The following TNFSF8 variants were observed in gnomAD, a reference collection of about 807,000 sequenced individuals.
TNFSF8 encodes the protein tumor necrosis factor ligand superfamily member 8.
In TNFSF8, 4 loss-of-function variants were observed where a neutral mutation model predicts 22.0. The observed-to-expected ratio is 0.18, with a 90% CI of 0.09 to 0.42. The LOEUF (loss-of-function observed/expected upper bound fraction) is 0.42, where lower values mean the gene tolerates loss of function less well. Ranked by LOEUF, TNFSF8 falls within the 10% of genes least tolerant of loss-of-function variation. The probability of loss-of-function intolerance (pLI) is 1.00; values close to 1 mark genes in which losing one functional copy is unlikely to be tolerated. For synonymous variants in TNFSF8, 106 were observed against 112.5 expected (o/e 0.94, Z 0.37); for missense variants, 233 against 281.8 (o/e 0.83, Z 1.24).
Position 114,901,505 on chromosome 9 carries a change from T to A in TNFSF8, c.*2426A>T. On this transcript the variant is annotated 3_prime_UTR_variant, in exon 4 of 4. Coordinates refer to ENST00000223795, the MANE Select transcript of TNFSF8 (RefSeq NM_001244.4). The stretch of plus-strand genomic sequence containing the variant: ...AAATGAAAATGGAATCTTTCTCGAG[T>A]TAGAATGTGAGATGGCAAAAAAATT... 1 of 985,300 alleles carries A rather than the reference T, an allele frequency of 1.0e-6. No individual in the cohort carries two copies. The highest frequency in any genetic ancestry group is 1.2e-6 in the Non-Finnish European group (1 of 829,848). 61.0% of individuals were successfully genotyped at this position (985,300 alleles called of 1,614,324 possible).
At chr9:114,895,686 T>C (rs1827649010) in intron 4 of TNFSF8, among the ~76,000 whole-genome samples, 1 of 152,232 alleles carries the variant, frequency 6.6e-6, no homozygotes, top group African/African-American at 2.4e-5. Flanking sequence ...ATTGTACAGC[T>C]GAGAAAATTT....
intron 2 of TNFSF8, among the ~76,000 whole-genome samples, chr9:114,907,953 A>C (rs1483570014): frequency 1.3e-5 from 2 of 152,156 alleles, no homozygotes; most frequent in African/African-American, 4.8e-5. Context: ...GCCCGAATGG[A>C]TTCCTGACTG....
chr9:114,922,344 T>C (rs1409448516), intron 1 of TNFSF8, among the ~76,000 whole-genome samples: 1 of 152,186 alleles, frequency 6.6e-6, no homozygotes, highest in Non-Finnish European at 1.5e-5. Flanking sequence ...CTTGTTGCCC[T>C]CACATAGTCT....
chr9:114,927,760 C>G (rs1195337779), intron 1 of TNFSF8, among the ~76,000 whole-genome samples: 1 of 152,148 alleles, frequency 6.6e-6, no homozygotes, highest in East Asian at 1.9e-4. Flanking sequence ...CCATCACATA[C>G]AGAGTGCTAA....
At chr9:114,909,286 G>A (rs62578680) in intron 2 of TNFSF8, among the ~76,000 whole-genome samples, 1 of 152,182 alleles carries the variant, frequency 6.6e-6, no homozygotes, top group Non-Finnish European at 1.5e-5. Context: ...GGCATTACAT[G>A]CAGCTGAAAT....
In TNFSF8 at chr9:114,903,606, G is replaced by T. The variant is rs1827744857; in HGVS notation, c.*325C>A. ...TACTGGAGCCCCATTTTAACTGGAG[G>T]CTCTCAAAACAGAAGAAATAGATCA... On this transcript the variant is annotated 3_prime_UTR_variant, in exon 4 of 4. Coordinates refer to ENST00000223795, the MANE Select transcript of TNFSF8 (RefSeq NM_001244.4). The T allele has an allele frequency of 4.0e-6, 3 of 758,932 alleles. No homozygotes were observed. The highest frequency in any genetic ancestry group is 5.5e-5 in the Admixed American group (1 of 18,048). The allele number at this position is 758,932 out of a possible 1,614,324, so 47.0% of individuals were successfully genotyped here.
chr9:114,898,807 C>T (rs913212142), downstream of TNFSF8, among the ~76,000 whole-genome samples: 4 of 152,086 alleles, frequency 2.6e-5, no homozygotes, highest in African/African-American at 9.7e-5. Context: ...GAAACAGAAT[C>T]GAGATTGAGC....
chr9:114,923,480 T>C (rs145114031), intron 1 of TNFSF8, among the ~76,000 whole-genome samples: 9 of 62,880 alleles, frequency 1.4e-4, no homozygotes, highest in Admixed American at 3.4e-4. Flanking sequence ...TTCTTTCTTT[T>C]TCTTTCTTTC....
At chr9:114,900,436 G>A (rs1266067438), downstream of TNFSF8, among the ~76,000 whole-genome samples, 1 of 152,180 alleles carries the variant, frequency 6.6e-6, no homozygotes, top group Non-Finnish European at 1.5e-5. Context: ...TAGTGAGAGA[G>A]CTGGCATTTG....
At chr9:114,925,961 T>C (rs1426228388) in intron 1 of TNFSF8, among the ~76,000 whole-genome samples, 1 of 152,134 alleles carries the variant, frequency 6.6e-6, no homozygotes, top group African/African-American at 2.4e-5. Context: ...TCATTATGTA[T>C]TCCCCTGTCT....
chr9:114,930,473 G>A lies in TNFSF8; in HGVS notation c.-170C>T, dbSNP rs1489709232. 17 of 485,486 alleles carry A rather than the reference G, an allele frequency of 3.5e-5. No homozygotes were observed. The highest frequency in any genetic ancestry group is 5.5e-5 in the Non-Finnish European group (16 of 291,598). The allele number at this position is 485,486 out of a possible 1,614,324, so 30.1% of individuals were successfully genotyped here. Reference sequence around the variant, plus strand: ...AAACTCTTCTCTGGGGGCGTGAGGCGAGAGGCGGCAGCAAGGGTGGGGGAG... The same window carrying A: ...AAACTCTTCTCTGGGGGCGTGAGGCAAGAGGCGGCAGCAAGGGTGGGGGAG... On this transcript the variant is annotated 5_prime_UTR_variant, in exon 1 of 4. Transcript: ENST00000223795.
chr9:114,897,336 T>G (rs1376084934), downstream of TNFSF8, among the ~76,000 whole-genome samples: 1 of 152,146 alleles, frequency 6.6e-6, no homozygotes, highest in African/African-American at 2.4e-5. Context: ...TAAAGTGGTT[T>G]TCTTTGATTA....
intron 1 of TNFSF8, among the ~76,000 whole-genome samples, chr9:114,921,176 CA>C (rs1250314215): frequency 6.6e-6 from 1 of 152,162 alleles, no homozygotes; most frequent in Non-Finnish European, 1.5e-5. Flanking sequence ...GCATCTCAAA[CA>C]GGAAAGAAAC....
At position 114,902,408 on chromosome 9, in the gene TNFSF8, C is replaced by G. The variant is rs1026521905; in HGVS notation, c.*1523G>C. On this transcript the variant is annotated 3_prime_UTR_variant, in exon 4 of 4. Transcript: ENST00000223795. ...TTGCACACTGATTGTTTGCTAAAGG[C>G]ACAATGCTTTCCTGACCAGAAATGA... is the stretch of plus-strand genomic sequence containing the variant. 2 of 985,330 alleles carry G rather than the reference C, an allele frequency of 2.0e-6. No individual in the cohort carries two copies. Among genetic ancestry groups the G allele is most frequent in the Non-Finnish European group, 2.4e-6 (2 of 829,940 alleles). 61.0% of individuals were successfully genotyped at this position (985,330 alleles called of 1,614,324 possible).
intron 1 of TNFSF8, among the ~76,000 whole-genome samples, chr9:114,918,832 CT>C (rs1382184650): frequency 6.6e-6 from 1 of 152,162 alleles, no homozygotes; most frequent in Non-Finnish European, 1.5e-5. Context: ...AACTCCTGAC[CT>C]TGTGGTCCAC....
At position 114,918,145 on chromosome 9, in the gene TNFSF8, G is replaced by T. The variant is rs755169513; in HGVS notation, c.196-7C>A. ...GTGAGTTGGGAATGGAGTCCTGGAA[G>T]AAAAGAAAGAAAAAAGCAGCATGAG... On this transcript the variant is annotated splice_region_variant and splice_polypyrimidine_tract_variant and intron_variant, in intron 1 of 3. Transcript: ENST00000223795. The T allele has an allele frequency of 4.4e-6, 7 of 1,600,108 alleles. No individual in the cohort carries two copies. The highest frequency in any genetic ancestry group is 6.0e-6 in the Non-Finnish European group (7 of 1,174,228).
At chr9:114,904,736 G>T (rs200044124) in intron 3 of TNFSF8, among the ~76,000 whole-genome samples, 1 of 152,286 alleles carries the variant, frequency 6.6e-6, no homozygotes, top group East Asian at 1.9e-4. Context: ...ATTGCAAAAG[G>T]TATCAGAGAT....
chr9:114,904,718 G>C (rs1043011270), intron 3 of TNFSF8, among the ~76,000 whole-genome samples: 1 of 152,110 alleles, frequency 6.6e-6, no homozygotes, highest in Admixed American at 6.6e-5. Flanking sequence ...CATTTATCAT[G>C]AATGGTCATT....
In TNFSF8 at chr9:114,918,552, C is replaced by T. The variant is rs115583664; in HGVS notation, c.196-414G>A. ...GCAGCTTCATCCTCCTGAGTTCAAG[C>T]GATCCTCTTGCCTCAGCTTCCTGAG... On this transcript the variant is annotated intron_variant, in intron 1 of 3. Transcript: ENST00000223795. Among the ~76,000 whole-genome samples the T allele has an allele frequency of 3.0e-3, 462 of 151,874 alleles. 3 individuals are homozygous for T. The highest frequency in any genetic ancestry group is 0.01 in the African/African-American group (432 of 41,408).
Sources: gnomAD v4.1 joint callset for allele counts (sites outside exome capture counted in the v4.1 genomes callset) on GRCh38, gnomAD v4.1.1 for gene constraint, MANE v1.5 for transcripts, NCBI Gene and HGNC (gene_info 2026-07-23, HGNC 2026-07-21) for gene names.